The following ZFHX3 variants were observed in gnomAD, a reference collection of about 807,000 sequenced individuals.
ZFHX3 encodes zinc finger homeobox 3, also known as zinc finger homeobox protein 3.
In ZFHX3, 42 loss-of-function variants were observed where a neutral mutation model predicts 279.1. The ratio of observed to expected loss-of-function variants is 0.15; its 90% CI spans 0.12 to 0.19. The LOEUF is 0.19. Ranked by LOEUF, ZFHX3 falls within the 10% of genes least tolerant of loss-of-function variation. The probability of loss-of-function intolerance (pLI) is 1.00; values close to 1 mark genes in which losing one functional copy is unlikely to be tolerated. For synonymous variants in ZFHX3, 2,293 were observed against 1,957.8 expected (o/e 1.17, Z -4.52); for missense variants, 4,981 against 4,754.0 (o/e 1.05, Z -1.40).
intron 1 of ZFHX3, among the ~76,000 whole-genome samples, chr16:72,994,386 A>G (rs1046469557): frequency 2.0e-5 from 3 of 152,196 alleles, no homozygotes; most frequent in Non-Finnish European, 4.4e-5. Flanking sequence ...CTGGGATGGA[A>G]TGACTTCCCC....
At chr16:73,773,901 G>A (rs1320166416) in intron 1 of ZFHX3, among the ~76,000 whole-genome samples, 2 of 152,118 alleles carry the variant, frequency 1.3e-5, no homozygotes, top group Non-Finnish European at 2.9e-5. Flanking sequence ...AATTTGGGAG[G>A]CTAAATTAAG....
At chr16:73,607,246 C>T (rs541631765) in intron 2 of ZFHX3, among the ~76,000 whole-genome samples, 1 of 152,276 alleles carries the variant, frequency 6.6e-6, no homozygotes, top group South Asian at 2.1e-4. Context: ...CCAGGCTGGT[C>T]TCGAACTCCT....
At chr16:73,246,516 G>C (rs926104290) in intron 5 of ZFHX3, among the ~76,000 whole-genome samples, 5 of 152,194 alleles carry the variant, frequency 3.3e-5, no homozygotes, top group Non-Finnish European at 4.4e-5. Context: ...GGGTGGGCCA[G>C]GCTTTTGGAA....
intron 1 of ZFHX3, among the ~76,000 whole-genome samples, chr16:73,743,084 T>A (rs1340111028): frequency 2.0e-5 from 3 of 152,224 alleles, no homozygotes; most frequent in Non-Finnish European, 4.4e-5. Context: ...AGTGAGAGTG[T>A]GTAATTTTCA....
intron 2 of ZFHX3, among the ~76,000 whole-genome samples, chr16:73,524,423 C>A (rs1471345621): frequency 6.6e-6 from 1 of 152,152 alleles, no homozygotes; most frequent in Non-Finnish European, 1.5e-5. Context: ...GCGGCCTTTC[C>A]ATGACAACAT....
At chr16:73,526,316 C>T (rs1038830174) in intron 2 of ZFHX3, among the ~76,000 whole-genome samples, 1 of 152,204 alleles carries the variant, frequency 6.6e-6, no homozygotes, top group African/African-American at 2.4e-5. Flanking sequence ...GGCCAGTGCG[C>T]TCTAGCAAGG....
At chr16:73,303,022 A>G (rs146845807) in intron 4 of ZFHX3, among the ~76,000 whole-genome samples, 10 of 144,866 alleles carry the variant, frequency 6.9e-5, no homozygotes, top group African/African-American at 2.0e-4. Flanking sequence ...AACAGCAAAG[A>G]GCAATGGAGA....
chr16:72,929,249 A>AT (rs1259121213), intron 3 of ZFHX3, among the ~76,000 whole-genome samples: 1 of 151,932 alleles, frequency 6.6e-6, no homozygotes, highest in Non-Finnish European at 1.5e-5. Flanking sequence ...TAAAAAAAAA[A>AT]AAAAAAAAGA....
At chr16:72,926,068 C>A (rs999701140) in intron 3 of ZFHX3, among the ~76,000 whole-genome samples, 1 of 152,174 alleles carries the variant, frequency 6.6e-6, no homozygotes, top group Non-Finnish European at 1.5e-5. Context: ...CACAGGCCTC[C>A]CTTTTTATCT....
chr16:73,144,778 C>T (rs1875452658), intron 5 of ZFHX3, among the ~76,000 whole-genome samples: 1 of 152,156 alleles, frequency 6.6e-6, no homozygotes, highest in South Asian at 2.1e-4. Context: ...AACAACTTGG[C>T]TATAATGCAC....
chr16:72,880,825 A>G (rs1427666280), intron 4 of ZFHX3, among the ~76,000 whole-genome samples: 1 of 152,190 alleles, frequency 6.6e-6, no homozygotes, highest in African/African-American at 2.4e-5. Context: ...ATAAAAACCC[A>G]TTTAACATCC....
chr16:73,143,607 A>G, intron 6 of ZFHX3: 1 of 455,130 alleles, frequency 2.2e-6, no homozygotes, highest in Non-Finnish European at 4.1e-6. Context: ...GGCACACTGC[A>G]GAGGTGTCTA....
At chr16:73,381,547 A>ACAGGG (rs1199796700) in intron 3 of ZFHX3, among the ~76,000 whole-genome samples, 1 of 152,232 alleles carries the variant, frequency 6.6e-6, no homozygotes, top group East Asian at 1.9e-4. Flanking sequence ...ATTTCATTTC[A>ACAGGG]CAGGGCAGAA....
At chr16:72,844,623 C>T (rs2037431803) in intron 4 of ZFHX3, among the ~76,000 whole-genome samples, 1 of 152,126 alleles carries the variant, frequency 6.6e-6, no homozygotes, top group Non-Finnish European at 1.5e-5. Context: ...TGACTGACCT[C>T]AGATGCTCTG....
intron 1 of ZFHX3, among the ~76,000 whole-genome samples, chr16:73,777,017 C>T (rs1959271837): frequency 2.6e-5 from 4 of 152,206 alleles, no homozygotes; most frequent in Admixed American, 2.6e-4. Context: ...CATCTTCTCC[C>T]ATGAACGTAG....
At chr16:72,972,998 G>A (rs982814305) in intron 1 of ZFHX3, among the ~76,000 whole-genome samples, 2 of 152,132 alleles carry the variant, frequency 1.3e-5, no homozygotes, top group Non-Finnish European at 2.9e-5. Context: ...TCTTAACTCT[G>A]TACATCAGCT....
rs374818375 is a variant in ZFHX3 at position 73,710,830 on chromosome 16, CA to C, written c.-1607-30591del. Among the ~76,000 whole-genome samples the C allele has an allele frequency of 6.6e-4, 100 of 152,314 alleles. No homozygotes were observed. In the Middle Eastern group the frequency reaches 0.01, roughly 16 times the overall value. On this transcript the variant is annotated intron_variant, in intron 1 of 17. Transcript: ENST00000641206. ...AGGAGTCGCCTTGTACAACCTCACA[CA>C]CTTTATTACTGGTCAATTTGGGTTT...
intron 2 of ZFHX3, among the ~76,000 whole-genome samples, chr16:73,536,788 AT>A (rs2143739861): frequency 6.6e-6 from 1 of 152,264 alleles, no homozygotes; most frequent in African/African-American, 2.4e-5. Context: ...TCAGAGGACT[AT>A]GTTTCCAGGC....
chr16:73,600,061 T>C (rs1158107158), intron 2 of ZFHX3, among the ~76,000 whole-genome samples: 1 of 152,196 alleles, frequency 6.6e-6, no homozygotes, highest in Non-Finnish European at 1.5e-5. Context: ...TATTTGTACA[T>C]GGCACCATGC....
Sources: gnomAD v4.1 joint callset for allele counts (sites outside exome capture counted in the v4.1 genomes callset) on GRCh38, gnomAD v4.1.1 for gene constraint, MANE v1.5 for transcripts, NCBI Gene and HGNC (gene_info 2026-07-23, HGNC 2026-07-21) for gene names.